Variants in DOP1B observed in about 807,000 individuals in gnomAD.
DOP1B encodes the protein DOP1 leucine zipper like protein B, also known as protein DOP1B.
Under a neutral mutation model 233.5 loss-of-function variants are expected in DOP1B, and 174 were observed. The observed-to-expected ratio is 0.75, with a 90% confidence interval of 0.66 to 0.85. The LOEUF (loss-of-function observed/expected upper bound fraction) is 0.85, where lower values mean the gene tolerates loss of function less well. DOP1B is among the 40% of genes least tolerant of loss of function. The pLI is 0.00. For missense variants in DOP1B, 2,652 were observed against 2,846.6 expected, an observed-to-expected ratio of 0.93 and a Z score of 1.56; for synonymous variants, 1,190 against 1,185.6, an observed-to-expected ratio of 1.00 and a Z score of -0.08.
chr21:36,237,259 C>T lies in DOP1B; in HGVS notation c.2623-3C>T, dbSNP rs372615907. 5.0e-6 allele frequency: 8 copies of T among 1,614,142 alleles called. No individual in the cohort carries two copies. The highest frequency in any genetic ancestry group is 1.7e-5 in the Admixed American group (1 of 59,994). ...CCCACCGCCTGCCTTTTCCTTGTCCCAGAGGGTGGCTCGTGTGCTTTGGAA... is the reference window on the plus strand; with the variant it reads ...CCCACCGCCTGCCTTTTCCTTGTCCTAGAGGGTGGCTCGTGTGCTTTGGAA... On this transcript the variant is annotated splice_polypyrimidine_tract_variant and splice_region_variant and intron_variant, in intron 15 of 36. Transcript: ENST00000691173.
chr21:36,288,053 T>C lies in DOP1B; in HGVS notation c.6200T>C (p.Ile2067Thr), dbSNP rs747011437. The C allele has an allele frequency of 6.2e-6, 10 of 1,614,008 alleles. No homozygotes were observed. In the East Asian group the frequency reaches 1.8e-4, roughly 29 times the overall value. Residue 2067 changes from isoleucine to threonine, a missense_variant, in exon 33 of 37, where the codon ATA (isoleucine) becomes ACA (threonine). Physicochemically the swap from Ile to Thr is moderately conservative, Grantham distance 89 (BLOSUM62 -1). This residue lies in a region of DOP1B where 2,617 missense variants were observed against 2,794.3 expected (regional missense o/e 0.94). Transcript: ENST00000691173. The part of the protein sequence containing the change: ...TDNLRVGQTS[I>T]VAAQMFLFFR... The stretch of plus-strand genomic sequence containing the variant: ...AATCTCAGAGTTGGACAGACATCCA[T>C]AGTTGCTGCTCAGATGTTTCTTTTT...
intron 4 of DOP1B, 70 bp from the exon 5 acceptor site, chr21:36,208,645 G>T: frequency 2.7e-6 from 4 of 1,492,718 alleles, no homozygotes; most frequent in Non-Finnish European, 3.6e-6. Flanking sequence ...TGCAGCATTC[G>T]CAGAGCAGTG....
At chr21:36,203,349 A>G (rs1291008352) in intron 4 of DOP1B, among the ~76,000 whole-genome samples, 1 of 152,226 alleles carries the variant, frequency 6.6e-6, no homozygotes, top group Non-Finnish European at 1.5e-5. Flanking sequence ...AAGTGACTGT[A>G]CAAGATTTTT....
rs144363294 is a variant in DOP1B, at chr21:36,167,998, C to T, written c.138+3127C>T. ...TCACTCTGTCATCCAGGCTGAAGTGCAGTGGCACAGTCTCGGCTAACTGCA... is the reference window on the plus strand; with the variant it reads ...TCACTCTGTCATCCAGGCTGAAGTGTAGTGGCACAGTCTCGGCTAACTGCA... On this transcript the variant is annotated intron_variant, in intron 2 of 36. Transcript: ENST00000691173. 1.6e-3 allele frequency among the ~76,000 whole-genome samples: 202 copies of T among 127,926 alleles called. 2 individuals carry two copies. Among genetic ancestry groups the T allele is most frequent in the African/African-American group, 6.0e-3 (196 of 32,410 alleles). 83.9% of individuals were successfully genotyped at this position (127,926 alleles called of 152,430 possible). A position where few individuals can be genotyped will look rare whatever the true frequency, so the allele number is the denominator to read the frequency against.
intron 10 of DOP1B, among the ~76,000 whole-genome samples, chr21:36,220,604 G>A (rs117328389): frequency 0.035 from 5,374 of 151,852 alleles, 124 homozygotes; most frequent in Non-Finnish European, 0.051. Context: ...GGGCTCAAGC[G>A]ATCCTCACGC....
At position 36,246,199 on chromosome 21, in the gene DOP1B, G is replaced by T. The variant is rs372487233; in HGVS notation, c.4219G>T (p.Ala1407Ser). 1 of 1,613,588 alleles carries T rather than the reference G, an allele frequency of 6.2e-7. No homozygotes were observed. Among genetic ancestry groups the T allele is most frequent in the Admixed American group, 1.7e-5 (1 of 59,988 alleles). The change falls in exon 19 of 37, where the codon GCC becomes TCC. Residue 1407 changes from alanine (A) to serine (S), a missense_variant. Transcript: ENST00000691173. This position sits in a 1 kb window ranked among gnomAD's most constrained non-coding sequence, Gnocchi z 5.1. ...TSQKRYGLATAHHGRALPEDS... is the reference protein window; with the variant it reads ...TSQKRYGLATSHHGRALPEDS... ...CCAGAAGCGCTACGGGCTGGCCACC[G>T]CCCACCACGGCAGGGCCCTGCCAGA... is the stretch of plus-strand genomic sequence containing the variant.
At chr21:36,256,143 C>T (rs1478110411) in intron 23 of DOP1B, among the ~76,000 whole-genome samples, 1 of 152,152 alleles carries the variant, frequency 6.6e-6, no homozygotes, top group Admixed American at 6.5e-5. Context: ...TAAAATCATA[C>T]AGTTAGCAAA....
chr21:36,228,837 G>A (rs908785737), intron 13 of DOP1B, among the ~76,000 whole-genome samples: 5 of 151,306 alleles, frequency 3.3e-5, no homozygotes, highest in African/African-American at 4.9e-5. Context: ...AAGGCATGGT[G>A]GTGTTCACCT....
rs1329159750 is a variant in DOP1B at position 36,232,870 on chromosome 21, A to G, written c.2417A>G (p.Asp806Gly). 6 of 1,613,562 alleles carry G rather than the reference A, an allele frequency of 3.7e-6. No homozygotes were observed. Among genetic ancestry groups the G allele is most frequent in the Non-Finnish European group, 4.2e-6 (5 of 1,179,962 alleles). The stretch of plus-strand genomic sequence containing the variant: ...ATGACTATTTGCTGCTGTGTGACTG[A>G]CTGCTACCTCCAGAACGTGGCCATT... Reference protein sequence around the residue: ...SLMTICCCVTDCYLQNVAIST... With the variant: ...SLMTICCCVTGCYLQNVAIST... The change falls in exon 15 of 37, where the codon GAC becomes GGC. Residue 806 changes from aspartate to glycine, a missense_variant. By Grantham distance (94) the Asp-to-Gly change is moderately conservative. Transcript: ENST00000691173.
intron 4 of DOP1B, among the ~76,000 whole-genome samples, chr21:36,201,346 T>TTTTTTTC (rs1491383221): frequency 2.8e-5 from 1 of 36,318 alleles, no homozygotes; most frequent in African/African-American, 2.7e-4. Flanking sequence ...TATTGGATTC[T>TTTTTTTC]TTTTTTTTTT....
At chr21:36,270,923 A>AG (rs1555898570) in intron 27 of DOP1B, among the ~76,000 whole-genome samples, 43 of 151,350 alleles carry the variant, frequency 2.8e-4, no homozygotes, top group Non-Finnish European at 5.3e-4. Flanking sequence ...AAAAAAAAAA[A>AG]AAAGAAAGAA....
At chr21:36,205,842 CA>C (rs563948912) in intron 4 of DOP1B, among the ~76,000 whole-genome samples, 11 of 146,230 alleles carry the variant, frequency 7.5e-5, no homozygotes, top group African/African-American at 1.5e-4. Flanking sequence ...CCGTATCTAC[CA>C]AAAAAAAAAT....
At chr21:36,239,150 C>T (rs1178759438) in intron 17 of DOP1B, among the ~76,000 whole-genome samples, 1 of 152,122 alleles carries the variant, frequency 6.6e-6, no homozygotes. Flanking sequence ...CGAGCACAGC[C>T]AGTGGTTCCC....
intron 11 of DOP1B, 74 bp from the exon 12 acceptor site, chr21:36,225,491 A>T: frequency 6.4e-7 from 1 of 1,550,438 alleles, no homozygotes; most frequent in Admixed American, 1.7e-5. Flanking sequence ...TCGGCCTCCC[A>T]AAGTGTTAAG....
At chr21:36,190,677 G>T (rs929823837) in intron 2 of DOP1B, among the ~76,000 whole-genome samples, 1 of 152,232 alleles carries the variant, frequency 6.6e-6, no homozygotes, top group African/African-American at 2.4e-5. Flanking sequence ...GATTACAGGC[G>T]TGAGCCATTG....
intron 23 of DOP1B, 72 bp downstream of exon 23, chr21:36,253,981 A>C: frequency 6.5e-7 from 1 of 1,536,434 alleles, no homozygotes; most frequent in Non-Finnish European, 8.8e-7. Context: ...CTACTTCCTT[A>C]TAAATCGTGT....
At chr21:36,274,393 T>C (rs1218980212) in intron 27 of DOP1B, among the ~76,000 whole-genome samples, 2 of 152,180 alleles carry the variant, frequency 1.3e-5, no homozygotes, top group African/African-American at 4.8e-5. Flanking sequence ...TGACAGGTTT[T>C]TGGCTTAAGC....
At chr21:36,188,683 T>C (rs1472009975) in intron 2 of DOP1B, among the ~76,000 whole-genome samples, 2 of 152,144 alleles carry the variant, frequency 1.3e-5, no homozygotes, top group Non-Finnish European at 2.9e-5. Flanking sequence ...CCGTGAAAAA[T>C]GCAACTCCTC....
chr21:36,196,668 G>A (rs911088105), intron 2 of DOP1B, among the ~76,000 whole-genome samples: 3 of 152,246 alleles, frequency 2.0e-5, no homozygotes, highest in Middle Eastern at 3.4e-3. Flanking sequence ...CAGCATTTTG[G>A]GAGGCTGAGG....
Sources: gnomAD v4.1 joint callset for allele counts (sites outside exome capture counted in the v4.1 genomes callset) on GRCh38, gnomAD v4.1.1 for gene constraint, gnomAD v4.1.1 regional missense constraint, Gnocchi (gnomAD v3.1) non-coding constraint, MANE v1.5 for transcripts, NCBI Gene and HGNC (gene_info 2026-07-23, HGNC 2026-07-21) for gene names.